LAMC1: variants seen among roughly 807,000 people sequenced by gnomAD.
The protein encoded by LAMC1 is laminin subunit gamma-1.
In LAMC1, 38 loss-of-function variants were observed where a neutral mutation model predicts 173.6. The observed-to-expected ratio is 0.22, with a 90% CI of 0.17 to 0.29. The LOEUF is 0.29. Among genes scored for constraint, LAMC1 ranks in the 10% least tolerant of loss-of-function variants. The pLI is 1.00. For synonymous variants in LAMC1, 746 were observed against 749.1 expected (o/e 1.00, Z 0.07); for missense variants, 1,824 against 2,051.8 (o/e 0.89, Z 2.14).
At chr1:183,074,843 A>C (rs1294868443) in intron 1 of LAMC1, among the ~76,000 whole-genome samples, 1 of 152,180 alleles carries the variant, frequency 6.6e-6, no homozygotes, top group Non-Finnish European at 1.5e-5. Context: ...CTTTACCTGA[A>C]TACTAGGTAA....
At chr1:183,048,458 C>T (rs1470315945) in intron 1 of LAMC1, among the ~76,000 whole-genome samples, 1 of 152,158 alleles carries the variant, frequency 6.6e-6, no homozygotes, top group African/African-American at 2.4e-5. Flanking sequence ...TTCCTGTATG[C>T]CTTGTACAGA....
intron 1 of LAMC1, among the ~76,000 whole-genome samples, chr1:183,049,148 T>C (rs1247352890): frequency 6.6e-6 from 1 of 152,242 alleles, no homozygotes; most frequent in Non-Finnish European, 1.5e-5. Context: ...TCTTACTAAA[T>C]CTTCATATTT....
chr1:183,086,887 A>G (rs1655443051), intron 1 of LAMC1, among the ~76,000 whole-genome samples: 1 of 152,212 alleles, frequency 6.6e-6, no homozygotes. Flanking sequence ...TTACTATGAG[A>G]AAGGAAAGTA....
chr1:183,028,161 C>A (rs569094399), intron 1 of LAMC1, among the ~76,000 whole-genome samples: 16 of 151,952 alleles, frequency 1.1e-4, no homozygotes, highest in African/African-American at 3.6e-4. Flanking sequence ...CCTCCCCCCC[C>A]CCACCTCTTC....
rs770840295 is a variant in LAMC1 at position 183,116,538 on chromosome 1, TC to T, written c.1329-36del. ...GCTGACTTGAAGAGTGGAAGTTTTC[TC>T]CCTTCTCTGATTGTTTTATCCATTT... is the stretch of plus-strand genomic sequence containing the variant. On this transcript the variant is annotated intron_variant, in intron 6 of 27. Transcript: ENST00000258341. The T allele has an allele frequency of 2.2e-6, 3 of 1,379,266 alleles. No individual in the cohort carries two copies. In the East Asian group the frequency reaches 6.9e-5, roughly 32 times the overall value. 85.4% of individuals were successfully genotyped at this position (1,379,266 alleles called of 1,614,324 possible).
chr1:183,050,526 C>T (rs1654393614), intron 1 of LAMC1, among the ~76,000 whole-genome samples: 1 of 145,576 alleles, frequency 6.9e-6, no homozygotes, highest in African/African-American at 2.5e-5. Context: ...TCGTGATCTG[C>T]CCGCCTCGGC....
intron 1 of LAMC1, among the ~76,000 whole-genome samples, chr1:183,034,095 G>A (rs1653912525): frequency 1.3e-5 from 2 of 152,264 alleles, no homozygotes; most frequent in East Asian, 1.9e-4. Context: ...TCTAATTAGT[G>A]GACAAAGGAC....
chr1:183,110,170 A>G (rs1051248997), intron 3 of LAMC1, among the ~76,000 whole-genome samples: 7 of 152,168 alleles, frequency 4.6e-5, no homozygotes, highest in Non-Finnish European at 8.8e-5. Flanking sequence ...TTCAGAGTCC[A>G]TGCTTTTCTG....
intron 1 of LAMC1, among the ~76,000 whole-genome samples, chr1:183,046,529 T>A (rs1654271894): frequency 6.6e-6 from 1 of 152,108 alleles, no homozygotes; most frequent in Non-Finnish European, 1.5e-5. Context: ...TGAGCCTTGC[T>A]CTTTTCCTGA....
At chr1:183,034,587 A>G (rs1317280769) in intron 1 of LAMC1, among the ~76,000 whole-genome samples, 1 of 152,182 alleles carries the variant, frequency 6.6e-6, no homozygotes, top group Non-Finnish European at 1.5e-5. Context: ...AAACTTTTTA[A>G]ATTGTTAGGA....
chr1:183,121,656 T>C, intron 11 of LAMC1, 67 bp from the exon 12 acceptor site: 15 of 1,397,006 alleles, frequency 1.1e-5, no homozygotes, highest in Non-Finnish European at 1.5e-5. Context: ...TTTTTAGTGT[T>C]ACTGACTTTA....
At position 183,137,707 on chromosome 1, in the gene LAMC1, T is replaced by C; in HGVS notation, c.4353T>C (p.Phe1451=). The part of the protein sequence containing the change: ...TSTKAEAERT[F]AEVTDLDNEV... ...CCAAGGCAGAAGCTGAAAGAACTTTTGCAGAAGTTACAGATCTGGATAATG... is the reference window on the plus strand; with the variant it reads ...CCAAGGCAGAAGCTGAAAGAACTTTCGCAGAAGTTACAGATCTGGATAATG... The change falls in exon 26 of 28, where the codon TTT becomes TTC. Residue 1451 remains phenylalanine, a synonymous_variant. Transcript: ENST00000258341. 1 of 1,601,096 alleles carries C rather than the reference T, an allele frequency of 6.2e-7. No homozygotes were observed. The highest frequency in any genetic ancestry group is 8.5e-7 in the Non-Finnish European group (1 of 1,173,678).
At chr1:183,137,610 G>T in intron 25 of LAMC1, 59 bp from the exon 26 acceptor site, 1 of 1,096,290 alleles carries the variant, frequency 9.1e-7, no homozygotes, top group South Asian at 1.9e-5. Flanking sequence ...AGGAGCGGGA[G>T]CATACTTGAG....
intron 17 of LAMC1, among the ~76,000 whole-genome samples, chr1:183,127,995 G>T (rs1656666310): frequency 4.6e-5 from 7 of 152,174 alleles, no homozygotes; most frequent in Admixed American, 4.6e-4. Flanking sequence ...TAGGAATGGG[G>T]CTTAATGGGA....
chr1:183,142,800 G>A lies in LAMC1; in HGVS notation c.*10G>A. ...CATTGAAAAGCCCTAGTGTCTTTAG[G>A]GCTGGAAGGCAGCATCCCTCTGACA... On this transcript the variant is annotated 3_prime_UTR_variant, in exon 28 of 28. Transcript: ENST00000258341. 6.3e-7 allele frequency: 1 copy of A among 1,595,020 alleles called. No individual in the cohort carries two copies.
At chr1:183,127,506 T>C in intron 17 of LAMC1, 102 bp downstream of exon 17, 1 of 973,714 alleles carries the variant, frequency 1.0e-6, no homozygotes, top group Non-Finnish European at 1.6e-6. Flanking sequence ...AAGGTAGATG[T>C]GGTCCCTGTT....
At chr1:183,027,208 TC>T (rs1653712100) in intron 1 of LAMC1, among the ~76,000 whole-genome samples, 1 of 152,130 alleles carries the variant, frequency 6.6e-6, no homozygotes, top group South Asian at 2.1e-4. Flanking sequence ...CAGTGCATCC[TC>T]GGATAAAAAG....
intron 4 of LAMC1, among the ~76,000 whole-genome samples, chr1:183,111,802 A>T (rs904756648): frequency 6.6e-6 from 1 of 152,142 alleles, no homozygotes; most frequent in Non-Finnish European, 1.5e-5. Flanking sequence ...TGGGAGGCCT[A>T]TGGGGTTGGA....
intron 16 of LAMC1, 116 bp downstream of exon 16, chr1:183,126,378 T>A: frequency 1.0e-6 from 1 of 1,001,944 alleles, no homozygotes; most frequent in Non-Finnish European, 1.5e-6. Flanking sequence ...GTCAGGGCTG[T>A]ACCTAAGTCA....
Sources: allele counts gnomAD v4.1 joint callset (sites outside exome capture counted in the v4.1 genomes callset), GRCh38; gene constraint gnomAD v4.1.1; transcripts MANE v1.5; gene names NCBI Gene and HGNC (gene_info 2026-07-23, HGNC 2026-07-21).